The following MAGI2 variants were observed in gnomAD, a reference collection of about 807,000 sequenced individuals.
The protein encoded by MAGI2 is membrane-associated guanylate kinase, WW and PDZ domain-containing protein 2.
MAGI2 carries 35 observed loss-of-function variants against 133.3 expected under a neutral mutation model. The ratio of observed to expected loss-of-function variants is 0.26; its 90% CI spans 0.20 to 0.35. The LOEUF (loss-of-function observed/expected upper bound fraction) is 0.35, where lower values mean the gene tolerates loss of function less well. Among genes scored for constraint, MAGI2 ranks in the 10% least tolerant of loss-of-function variants. The pLI is 1.00. For missense variants in MAGI2, 1,636 were observed against 1,863.4 expected (o/e 0.88, Z 2.25); for synonymous variants, 729 against 710.6 (o/e 1.03, Z -0.41).
intron 2 of MAGI2, among the ~76,000 whole-genome samples, chr7:78,820,117 G>A (rs966074021): frequency 6.6e-6 from 1 of 151,894 alleles, no homozygotes; most frequent in East Asian, 1.9e-4. Context: ...TGAAAAAATG[G>A]TGACATTGGA....
chr7:79,278,307 C>T (rs1835388177), intron 1 of MAGI2, among the ~76,000 whole-genome samples: 1 of 152,188 alleles, frequency 6.6e-6, no homozygotes, highest in African/African-American at 2.4e-5. Flanking sequence ...CAAACAGATG[C>T]TGGTGCCATG....
At chr7:78,427,875 A>T (rs1258339145) in intron 6 of MAGI2, among the ~76,000 whole-genome samples, 1 of 151,996 alleles carries the variant, frequency 6.6e-6, no homozygotes, top group Non-Finnish European at 1.5e-5. Flanking sequence ...GTGGTTCAAG[A>T]CTCCTGAAAA....
chr7:79,290,406 G>A (rs1049523116), intron 1 of MAGI2, among the ~76,000 whole-genome samples: 158 of 137,494 alleles, frequency 1.1e-3, no homozygotes, highest in African/African-American at 3.6e-3. Flanking sequence ...AAATTTTTTT[G>A]AATGGTCAGA....
At chr7:79,022,157 T>C (rs1045034332) in intron 1 of MAGI2, among the ~76,000 whole-genome samples, 1 of 152,152 alleles carries the variant, frequency 6.6e-6, no homozygotes. Flanking sequence ...TATTTCTTCA[T>C]AGCAGCATGA....
intron 1 of MAGI2, among the ~76,000 whole-genome samples, chr7:79,191,691 G>A (rs529351806): frequency 6.6e-6 from 1 of 151,452 alleles, no homozygotes; most frequent in African/African-American, 2.4e-5. Flanking sequence ...TATGTTTTAG[G>A]TGGTTACCTA....
At chr7:79,433,614 TTACATGAGACAG>T (rs972589346) in intron 1 of MAGI2, among the ~76,000 whole-genome samples, 1 of 152,128 alleles carries the variant, frequency 6.6e-6, no homozygotes, top group African/African-American at 2.4e-5. Context: ...AATAAACTGG[TTACATGAGACAG>T]TACATGTGAC....
intron 1 of MAGI2, among the ~76,000 whole-genome samples, chr7:79,228,354 C>CCAAAAAAAAAAAAAAAAAAAAA (rs1831045859): frequency 3.2e-5 from 1 of 31,438 alleles, no homozygotes; most frequent in South Asian, 2.5e-3. Context: ...AAAAAACAGG[C>CCAAAAAAAAAAAAAAAAAAAAA]AAAAAAAAAA....
intron 1 of MAGI2, among the ~76,000 whole-genome samples, chr7:79,138,611 T>G (rs1359613973): frequency 6.6e-6 from 1 of 152,142 alleles, no homozygotes; most frequent in Non-Finnish European, 1.5e-5. Flanking sequence ...TAACCCCCAA[T>G]GTGACTGGTC....
Position 78,478,984 on chromosome 7 carries a change from C to G in MAGI2, c.1045+10777G>C, listed in dbSNP as rs147705546. ...TAGAAGCAGTGTAGGTTCCTTTAAC[C>G]TATAAGTGGTGGCATCAGTAGATCC... is the stretch of plus-strand genomic sequence containing the variant. On this transcript the variant is annotated intron_variant, in intron 6 of 21. Coordinates refer to ENST00000354212, the MANE Select transcript of MAGI2 (RefSeq NM_012301.4). Among the ~76,000 whole-genome samples the G allele has an allele frequency of 3.1e-3, 478 of 151,958 alleles. 1 individual carries two copies. The highest frequency in any genetic ancestry group is 0.01 in the Middle Eastern group (3 of 294).
chr7:78,512,703 T>C (rs889921564), intron 4 of MAGI2, among the ~76,000 whole-genome samples: 9 of 152,340 alleles, frequency 5.9e-5, no homozygotes, highest in African/African-American at 1.9e-4. Context: ...ACATCTCTTC[T>C]ATTCAGGGTC....
intron 1 of MAGI2, among the ~76,000 whole-genome samples, chr7:79,100,155 C>A (rs546881363): frequency 1.2e-4 from 18 of 151,838 alleles, no homozygotes; most frequent in Non-Finnish European, 1.6e-4. Flanking sequence ...AAAGTTGCTA[C>A]TTTTTTTTAG....
chr7:78,147,743 C>G (rs1400669369), intron 16 of MAGI2, among the ~76,000 whole-genome samples: 1 of 151,790 alleles, frequency 6.6e-6, no homozygotes, highest in South Asian at 2.1e-4. Context: ...AAACTAAAAC[C>G]AAAATGATTT....
chr7:78,640,621 G>A (rs550239714), intron 2 of MAGI2, among the ~76,000 whole-genome samples: 1 of 139,780 alleles, frequency 7.2e-6, no homozygotes, highest in South Asian at 2.4e-4. Flanking sequence ...AAACAGAGGG[G>A]TGAATACCAA....
At chr7:78,281,842 C>T (rs887438764) in intron 9 of MAGI2, among the ~76,000 whole-genome samples, 2 of 147,238 alleles carry the variant, frequency 1.4e-5, no homozygotes, top group African/African-American at 5.0e-5. Flanking sequence ...ATCCTAATAA[C>T]CTTATTTCAT....
chr7:78,362,017 G>A lies in MAGI2; in HGVS notation c.1103+7139C>T, dbSNP rs138424789. On this transcript the variant is annotated intron_variant, in intron 7 of 21. Transcript: ENST00000354212. The stretch of plus-strand genomic sequence containing the variant: ...AGGATCGTGGTATAAAAACATTTGA[G>A]GGGGCTGGGTTCGGTGGCTCATGTC... Among the ~76,000 whole-genome samples, 124 of 152,148 alleles carry A rather than the reference G, an allele frequency of 8.1e-4. 1 individual carries two copies. In the East Asian group the frequency reaches 0.022, roughly 27 times the overall value.
At chr7:78,772,379 T>C (rs1044520522) in intron 2 of MAGI2, among the ~76,000 whole-genome samples, 1 of 152,188 alleles carries the variant, frequency 6.6e-6, no homozygotes, top group African/African-American at 2.4e-5. Flanking sequence ...AGAAAACTCT[T>C]ATTTGGCATT....
chr7:78,593,635 T>C lies in MAGI2; in HGVS notation c.538+33485A>G, dbSNP rs956737211. 1.1e-4 allele frequency among the ~76,000 whole-genome samples: 16 copies of C among 152,208 alleles called. 1 individual carries two copies. The highest frequency in any genetic ancestry group is 7.7e-4 in the East Asian group (4 of 5,184). On this transcript the variant is annotated intron_variant, in intron 3 of 21. Transcript: ENST00000354212. ...TCTTCCATGAATTTTTGTCTGAAAA[T>C]GACTAACTCTTATTTGTCTTCCAGA...
chr7:78,323,150 A>G (rs1170028461), intron 9 of MAGI2, among the ~76,000 whole-genome samples: 2 of 152,004 alleles, frequency 1.3e-5, no homozygotes, highest in African/African-American at 2.4e-5. Flanking sequence ...TCACTTCTTT[A>G]TACTGTACTA....
chr7:78,237,067 G>C (rs1790624471), intron 10 of MAGI2, among the ~76,000 whole-genome samples: 1 of 152,100 alleles, frequency 6.6e-6, no homozygotes, highest in Non-Finnish European at 1.5e-5. Context: ...AATTATGGGA[G>C]CTACAATTCA....
Sources: allele counts gnomAD v4.1 joint callset (sites outside exome capture counted in the v4.1 genomes callset), GRCh38; gene constraint gnomAD v4.1.1; transcripts MANE v1.5; gene names NCBI Gene and HGNC (gene_info 2026-07-23, HGNC 2026-07-21).